Variants in PTPRQ observed in about 807,000 individuals in gnomAD.
PTPRQ encodes the protein phosphatidylinositol phosphatase PTPRQ.
PTPRQ carries 199 observed loss-of-function variants against 246.0 expected under a neutral mutation model. That is an observed-to-expected ratio of 0.81 (90% confidence interval 0.72 to 0.91). The LOEUF is 0.91. PTPRQ is among the 40% of genes least tolerant of loss of function. The probability of loss-of-function intolerance (pLI) is 0.00; values close to 1 mark genes in which losing one functional copy is unlikely to be tolerated. For synonymous variants in PTPRQ, 869 were observed against 853.2 expected (o/e 1.02, Z -0.32); for missense variants, 2,624 against 2,528.4 (o/e 1.04, Z -0.81).
chr12:80,502,184 G>A (rs181242846), intron 14 of PTPRQ, among the ~76,000 whole-genome samples: 1 of 152,030 alleles, frequency 6.6e-6, no homozygotes, highest in Non-Finnish European at 1.5e-5. Context: ...AGCTTGGAAA[G>A]GAGGAAAGAG....
intron 26 of PTPRQ, among the ~76,000 whole-genome samples, chr12:80,594,552 C>A (rs1306284660): frequency 1.3e-5 from 2 of 152,048 alleles, no homozygotes; most frequent in Admixed American, 6.6e-5. Context: ...TTGGTATAAC[C>A]ACTTAGGTTC....
At position 80,444,320 on chromosome 12, in the gene PTPRQ, T is replaced by G. The variant is rs1244085288; in HGVS notation, c.-26T>G. On this transcript the variant is annotated 5_prime_UTR_variant, in exon 1 of 45. In the 5' UTR this introduces an upstream ATG that the reference lacks. Coordinates refer to ENST00000644991, the MANE Select transcript of PTPRQ (RefSeq NM_001145026.2). ...TTCTCTCTAGAGCCATCAATGTGAT[T>G]CTACTGGCTGAAAAATGTAATAAAG... is the stretch of plus-strand genomic sequence containing the variant. 2.4e-6 allele frequency: 3 copies of G among 1,256,618 alleles called. No homozygotes were observed. Among genetic ancestry groups the G allele is most frequent in the South Asian group, 1.3e-5 (1 of 77,352 alleles). 77.8% of individuals were successfully genotyped at this position (1,256,618 alleles called of 1,614,324 possible). A position where few individuals can be genotyped will look rare whatever the true frequency, so the allele number is the denominator to read the frequency against.
chr12:80,537,257 A>G (rs1162845832), intron 19 of PTPRQ, among the ~76,000 whole-genome samples: 1 of 152,208 alleles, frequency 6.6e-6, no homozygotes, highest in Non-Finnish European at 1.5e-5. Flanking sequence ...CTAATTTTCT[A>G]TTTTGAATTA....
chr12:80,537,173 A>G (rs1896013025), intron 19 of PTPRQ, among the ~76,000 whole-genome samples: 1 of 152,242 alleles, frequency 6.6e-6, no homozygotes, highest in African/African-American at 2.4e-5. Flanking sequence ...ATAGTCTCAT[A>G]TTGCTTGAAG....
chr12:80,545,819 T>C (rs1358414634), intron 23 of PTPRQ, among the ~76,000 whole-genome samples: 1 of 150,132 alleles, frequency 6.7e-6, no homozygotes, highest in Non-Finnish European at 1.5e-5. Flanking sequence ...TGCCAGTGTC[T>C]ACATACAGTA....
intron 3 of PTPRQ, among the ~76,000 whole-genome samples, chr12:80,450,927 T>C (rs1256912352): frequency 6.6e-6 from 1 of 152,218 alleles, no homozygotes; most frequent in African/African-American, 2.4e-5. Flanking sequence ...CTTTTTCTAT[T>C]GATTGGAATA....
chr12:80,502,162 G>A (rs1424805005), intron 14 of PTPRQ, among the ~76,000 whole-genome samples: 11 of 151,932 alleles, frequency 7.2e-5, no homozygotes, highest in Admixed American at 5.9e-4. Flanking sequence ...CAGTGCAGAC[G>A]TGGAGGGATA....
chr12:80,553,136 A>T (rs1366748859), intron 25 of PTPRQ, among the ~76,000 whole-genome samples: 1 of 152,110 alleles, frequency 6.6e-6, no homozygotes, highest in Non-Finnish European at 1.5e-5. Flanking sequence ...TTTTTCATAG[A>T]GGTTTTTACT....
chr12:80,585,009 C>A (rs1897565462), intron 25 of PTPRQ, among the ~76,000 whole-genome samples: 1 of 150,964 alleles, frequency 6.6e-6, no homozygotes, highest in South Asian at 2.1e-4. Context: ...AGTAAATAAG[C>A]AATAGATCTG....
At chr12:80,503,822 C>T (rs1894873904) in intron 14 of PTPRQ, among the ~76,000 whole-genome samples, 1 of 151,602 alleles carries the variant, frequency 6.6e-6, no homozygotes, top group Non-Finnish European at 1.5e-5. Flanking sequence ...CATTATCCCT[C>T]AATTTTTTTT....
chr12:80,669,314 G>C (rs1218309142), intron 40 of PTPRQ, 25 bp from the exon 41 acceptor site: 1 of 1,547,330 alleles, frequency 6.5e-7, no homozygotes, highest in Non-Finnish European at 8.7e-7. Context: ...TGACGCTTAT[G>C]ACTGATGATT....
intron 29 of PTPRQ, among the ~76,000 whole-genome samples, chr12:80,615,238 G>A (rs1898706764): frequency 6.7e-6 from 1 of 150,306 alleles, no homozygotes; most frequent in Admixed American, 6.7e-5. Context: ...TTTTCTCTAG[G>A]CATTTTCAAG....
chr12:80,595,362 G>T (rs559843432), intron 26 of PTPRQ, among the ~76,000 whole-genome samples: 2 of 151,952 alleles, frequency 1.3e-5, no homozygotes, highest in African/African-American at 4.8e-5. Context: ...TGGAAGAAAG[G>T]CATTTGACTT....
intron 1 of PTPRQ, 48 bp downstream of exon 1, chr12:80,444,447 A>G (rs1416493257): frequency 9.5e-7 from 1 of 1,053,310 alleles, no homozygotes; most frequent in Non-Finnish European, 1.4e-6. Context: ...CATGGGCTGT[A>G]GATTTCTCAA....
intron 3 of PTPRQ, among the ~76,000 whole-genome samples, chr12:80,451,246 G>A (rs1345835545): frequency 6.1e-5 from 9 of 146,874 alleles, no homozygotes; most frequent in Admixed American, 2.7e-4. Context: ...ATTTTTTATT[G>A]CATCTATTTG....
At chr12:80,447,627 GT>G (rs1892593234) in intron 3 of PTPRQ, among the ~76,000 whole-genome samples, 2 of 151,418 alleles carry the variant, frequency 1.3e-5, no homozygotes, top group East Asian at 3.9e-4. Context: ...TGGCCAGCCA[GT>G]TTCCCCAGCA....
At chr12:80,661,113 T>C (rs933281398) in intron 39 of PTPRQ, among the ~76,000 whole-genome samples, 1 of 151,830 alleles carries the variant, frequency 6.6e-6, no homozygotes, top group African/African-American at 2.4e-5. Context: ...CACACATGCA[T>C]GTTTATATAC....
rs1177460657 is a variant in PTPRQ, at chr12:80,505,974, G to T, written c.2273-50G>T. On this transcript the variant is annotated intron_variant, in intron 14 of 44. Transcript: ENST00000644991. ...CTTCAGTGACAATTTCAGCAGAATA[G>T]ATTTTTAGAATGGAATTGTTTTATG... 2.0e-6 allele frequency: 3 copies of T among 1,509,078 alleles called. No homozygotes were observed. In the South Asian group the frequency reaches 4.0e-5, roughly 20 times the overall value. 93.5% of individuals were successfully genotyped at this position (1,509,078 alleles called of 1,614,324 possible). A position where few individuals can be genotyped will look rare whatever the true frequency, so the allele number is the denominator to read the frequency against.
At chr12:80,493,963 G>T (rs1894531010) in intron 10 of PTPRQ, among the ~76,000 whole-genome samples, 1 of 151,942 alleles carries the variant, frequency 6.6e-6, no homozygotes, top group Non-Finnish European at 1.5e-5. Context: ...TTTCTAAAAG[G>T]AGAATGTCAT....
Sources: gnomAD v4.1 joint callset for allele counts (sites outside exome capture counted in the v4.1 genomes callset) on GRCh38, gnomAD v4.1.1 for gene constraint, MANE v1.5 for transcripts, NCBI Gene and HGNC (gene_info 2026-07-23, HGNC 2026-07-21) for gene names.